Variants in PTGFRN observed in about 807,000 individuals in gnomAD.
The protein encoded by PTGFRN is prostaglandin F2 receptor inhibitor.
Under a neutral mutation model 83.2 loss-of-function variants are expected in PTGFRN, and 35 were observed. The observed-to-expected ratio is 0.42, with a 90% confidence interval of 0.32 to 0.56. The LOEUF is 0.56. Among genes scored for constraint, PTGFRN ranks in the 20% least tolerant of loss-of-function variants. The probability of loss-of-function intolerance (pLI) is 0.11; values close to 1 mark genes in which losing one functional copy is unlikely to be tolerated. For missense variants in PTGFRN, 1,051 were observed against 1,179.5 expected (o/e 0.89, Z 1.60); for synonymous variants, 519 against 498.6 (o/e 1.04, Z -0.55).
At chr1:116,924,444 C>T (rs953769977) in intron 1 of PTGFRN, among the ~76,000 whole-genome samples, 1 of 152,146 alleles carries the variant, frequency 6.6e-6, no homozygotes, top group Non-Finnish European at 1.5e-5. Flanking sequence ...CACACCCAAC[C>T]TGCATGTAGT....
intron 1 of PTGFRN, among the ~76,000 whole-genome samples, chr1:116,922,750 T>A (rs957449318): frequency 3.3e-5 from 5 of 152,208 alleles, no homozygotes; most frequent in Non-Finnish European, 5.9e-5. Flanking sequence ...TTAAGGCATT[T>A]GGGCCTCAAG....
chr1:116,966,924 G>A lies in PTGFRN; in HGVS notation c.1653G>A (p.Val551=). The A allele has an allele frequency of 6.3e-7, 1 of 1,599,250 alleles. No homozygotes were observed. The highest frequency in any genetic ancestry group is 8.6e-7 in the Non-Finnish European group (1 of 1,168,186). Residue 551 remains valine, a synonymous_variant, in exon 6 of 9, where the codon GTG becomes GTA. Coordinates refer to ENST00000393203, the MANE Select transcript of PTGFRN (RefSeq NM_020440.4). ...CATTCATTCCAGATTCCGTGCTTGT[G>A]GTGAAGGCGAGGCAGCCAAAGCCTT... ...IFWALEDSVL[V]VKARQPKPFF...
At chr1:116,922,061 AAGGG>A (rs1168010819) in intron 1 of PTGFRN, among the ~76,000 whole-genome samples, 1 of 152,042 alleles carries the variant, frequency 6.6e-6, no homozygotes, top group African/African-American at 2.4e-5. Flanking sequence ...AACTCTGGGG[AAGGG>A]AGGTTGGTGG....
At chr1:116,922,995 G>T (rs937449203) in intron 1 of PTGFRN, among the ~76,000 whole-genome samples, 4 of 152,160 alleles carry the variant, frequency 2.6e-5, no homozygotes, top group African/African-American at 9.7e-5. Context: ...GAGCGCTGCC[G>T]CCTACAGCAT....
At chr1:116,963,644 G>A (rs1216297179) in intron 5 of PTGFRN, among the ~76,000 whole-genome samples, 1 of 152,150 alleles carries the variant, frequency 6.6e-6, no homozygotes, top group Non-Finnish European at 1.5e-5. Context: ...GTCTCACTCT[G>A]TTGCCCAGGC....
rs538984687 is a variant in PTGFRN at position 116,956,775 on chromosome 1, A to T, written c.1214-4468A>T. On this transcript the variant is annotated intron_variant, in intron 4 of 8. Coordinates refer to ENST00000393203, the MANE Select transcript of PTGFRN (RefSeq NM_020440.4). Reference sequence around the variant, plus strand: ...AGTCATGTCAGTCATGTCAAGTGGCAATGGGAGGTTGTTATTATAGTCTTG... The same window carrying T: ...AGTCATGTCAGTCATGTCAAGTGGCTATGGGAGGTTGTTATTATAGTCTTG... Among the ~76,000 whole-genome samples the T allele has an allele frequency of 3.9e-5, 6 of 152,322 alleles. No homozygotes were observed. In the East Asian group the frequency reaches 1.2e-3, roughly 29 times the overall value.
At chr1:116,920,048 C>T (rs1649501529) in intron 1 of PTGFRN, among the ~76,000 whole-genome samples, 1 of 152,256 alleles carries the variant, frequency 6.6e-6, no homozygotes, top group Admixed American at 6.5e-5. Flanking sequence ...CCCTGGCTTC[C>T]TGCCCATCTT....
At chr1:116,944,381 G>C (rs1650129143) in intron 2 of PTGFRN, among the ~76,000 whole-genome samples, 1 of 152,212 alleles carries the variant, frequency 6.6e-6, no homozygotes. Context: ...GAGGCACAGA[G>C]GGGTAAAGTA....
At chr1:116,943,826 T>C (rs929090664) in intron 2 of PTGFRN, among the ~76,000 whole-genome samples, 11 of 152,062 alleles carry the variant, frequency 7.2e-5, no homozygotes, top group Non-Finnish European at 1.5e-4. Flanking sequence ...TTTCTGAATA[T>C]GGAATTGGGG....
intron 1 of PTGFRN, among the ~76,000 whole-genome samples, chr1:116,938,832 T>C (rs1418111635): frequency 1.3e-5 from 2 of 152,250 alleles, no homozygotes; most frequent in Non-Finnish European, 2.9e-5. Flanking sequence ...ACTTCCTAGA[T>C]ACAATGTGGG....
intron 1 of PTGFRN, among the ~76,000 whole-genome samples, chr1:116,927,722 A>G (rs376026970): frequency 2.7e-5 from 4 of 150,110 alleles, no homozygotes; most frequent in Non-Finnish European, 5.9e-5. Flanking sequence ...TTTTTTTTAT[A>G]GAGACGAGAT....
chr1:116,972,401 C>G (rs1651028731), intron 6 of PTGFRN, among the ~76,000 whole-genome samples: 1 of 152,208 alleles, frequency 6.6e-6, no homozygotes, highest in Non-Finnish European at 1.5e-5. Flanking sequence ...ATTCTATAAC[C>G]ATCCTTTACC....
Position 116,961,596 on chromosome 1 carries a change from C to T in PTGFRN, c.1567C>T (p.Gln523Ter). ...CTGTGTTGTGTCTGCCTGGACCAAA[C>T]AGCGGAACAACAGCTGGGTGAAAAG... ...YYCVVSAWTK[Q>*]RNNSWVKSKD... Residue 523 changes from glutamine to a stop codon, truncating the protein, a stop_gained, in exon 5 of 9, where the codon CAG becomes TAG. Transcript: ENST00000393203. LOFTEE classifies it high-confidence loss of function. The surrounding 1 kb of genome is among the most constrained non-coding windows in gnomAD (Gnocchi z 5.4). 6.2e-7 allele frequency: 1 copy of T among 1,614,170 alleles called. No individual in the cohort carries two copies. Among genetic ancestry groups the T allele is most frequent in the Non-Finnish European group, 8.5e-7 (1 of 1,180,032 alleles).
chr1:116,970,802 A>G (rs1650974119), intron 6 of PTGFRN, among the ~76,000 whole-genome samples: 4 of 152,182 alleles, frequency 2.6e-5, no homozygotes, highest in Admixed American at 2.6e-4. Flanking sequence ...AATCCGTGAC[A>G]TACCTTAAGA....
At chr1:116,919,439 C>T (rs915308978) in intron 1 of PTGFRN, among the ~76,000 whole-genome samples, 1 of 151,974 alleles carries the variant, frequency 6.6e-6, no homozygotes, top group South Asian at 2.1e-4. Context: ...TCTCTGTCAC[C>T]CAGGCTGGAG....
chr1:116,911,269 C>T (rs1247943629), intron 1 of PTGFRN, among the ~76,000 whole-genome samples: 5 of 152,170 alleles, frequency 3.3e-5, no homozygotes, highest in Admixed American at 2.0e-4. Context: ...TCTTCCAAGC[C>T]CCTAGAGAAG....
At chr1:116,962,671 C>G (rs1650697480) in intron 5 of PTGFRN, among the ~76,000 whole-genome samples, 1 of 152,162 alleles carries the variant, frequency 6.6e-6, no homozygotes, top group African/African-American at 2.4e-5. Context: ...TAGACCGTCT[C>G]CCTTCTGATA....
At chr1:116,984,335 G>C (rs780042423) in intron 7 of PTGFRN, among the ~76,000 whole-genome samples, 2 of 152,078 alleles carry the variant, frequency 1.3e-5, no homozygotes, top group Admixed American at 6.5e-5. Context: ...TTCTCTGTGG[G>C]AGACAGTTTT....
At chr1:116,937,550 A>T (rs547643617) in intron 1 of PTGFRN, among the ~76,000 whole-genome samples, 1 of 152,224 alleles carries the variant, frequency 6.6e-6, no homozygotes, top group South Asian at 2.1e-4. Context: ...GGGACATCGG[A>T]TTTGTATGTG....
Sources: gnomAD v4.1 joint callset for allele counts (sites outside exome capture counted in the v4.1 genomes callset) on GRCh38, gnomAD v4.1.1 for gene constraint, Gnocchi (gnomAD v3.1) non-coding constraint, MANE v1.5 for transcripts, NCBI Gene and HGNC (gene_info 2026-07-23, HGNC 2026-07-21) for gene names.